ITGBL1: variants seen among roughly 807,000 people sequenced by gnomAD.
ITGBL1 encodes integrin beta-like protein 1.
ITGBL1 carries 51 observed loss-of-function variants against 68.5 expected under a neutral mutation model. The ratio of observed to expected loss-of-function variants is 0.74; its 90% CI spans 0.59 to 0.94. ITGBL1 has a LOEUF of 0.94. Ranked by LOEUF, ITGBL1 falls within the 40% of genes least tolerant of loss-of-function variation. ITGBL1 has a pLI of 0.00. For missense variants in ITGBL1, 649 were observed against 647.4 expected, an observed-to-expected ratio of 1.00 and a Z score of -0.03; for synonymous variants, 209 against 227.3, an observed-to-expected ratio of 0.92 and a Z score of 0.72.
chr13:101,520,568 G>A (rs2049268591), intron 2 of ITGBL1, among the ~76,000 whole-genome samples: 1 of 152,156 alleles, frequency 6.6e-6, no homozygotes. Context: ...ATAGTTCCAT[G>A]GAGGTGATGG....
chr13:101,713,061 A>G (rs998456601), intron 9 of ITGBL1: 6 of 152,246 alleles, frequency 3.9e-5, no homozygotes, highest in Non-Finnish European at 8.8e-5. Flanking sequence ...AAGTTAAAAA[A>G]CACAATTGTC....
At chr13:101,633,279 A>G (rs887019673) in intron 7 of ITGBL1, among the ~76,000 whole-genome samples, 1 of 152,138 alleles carries the variant, frequency 6.6e-6, no homozygotes, top group Admixed American at 6.6e-5. Context: ...TTTCCTTTCT[A>G]CTTGACCTGT....
intron 7 of ITGBL1, among the ~76,000 whole-genome samples, chr13:101,679,717 T>C (rs1395588780): frequency 1.3e-5 from 2 of 152,310 alleles, no homozygotes; most frequent in East Asian, 3.9e-4. Context: ...TTTGGTGTTG[T>C]TGTAGAAGCC....
chr13:101,614,234 C>T (rs2139373176), intron 7 of ITGBL1, among the ~76,000 whole-genome samples: 1 of 152,216 alleles, frequency 6.6e-6, no homozygotes, highest in East Asian at 1.9e-4. Flanking sequence ...GGGGCTTTGT[C>T]AGAAATGCAT....
intron 7 of ITGBL1, among the ~76,000 whole-genome samples, chr13:101,630,912 C>T (rs2031957125): frequency 5.9e-5 from 9 of 152,130 alleles, no homozygotes; most frequent in Admixed American, 5.9e-4. Context: ...ATAAAGACTT[C>T]TTTTAGTGTT....
chr13:101,660,884 G>A (rs2033066899), intron 7 of ITGBL1, among the ~76,000 whole-genome samples: 1 of 152,202 alleles, frequency 6.6e-6, no homozygotes, highest in South Asian at 2.1e-4. Flanking sequence ...GGATGGGTAG[G>A]AGGTTGTCTG....
At chr13:101,490,035 T>G (rs2048753647) in intron 2 of ITGBL1, 2 of 1,223,618 alleles carry the variant, frequency 1.6e-6, no homozygotes, top group Non-Finnish European at 2.3e-6. Flanking sequence ...TTATTAGCAT[T>G]TTGTTATGGA....
At chr13:101,581,900 A>ACCGG (rs1414541834) in intron 5 of ITGBL1, among the ~76,000 whole-genome samples, 1 of 152,182 alleles carries the variant, frequency 6.6e-6, no homozygotes, top group African/African-American at 2.4e-5. Context: ...GCAAGAAAGT[A>ACCGG]CCCATTGTCC....
chr13:101,651,065 G>T lies in ITGBL1; in HGVS notation c.1016-41520G>T, dbSNP rs565212554. Reference sequence around the variant, plus strand: ...TCTATCATTGATGGGCATTTGGGTTGATTGCACGTCTTTGCTATTGTGAAT... The same window carrying T: ...TCTATCATTGATGGGCATTTGGGTTTATTGCACGTCTTTGCTATTGTGAAT... On this transcript the variant is annotated intron_variant, in intron 7 of 10. Coordinates refer to ENST00000376180, the MANE Select transcript of ITGBL1 (RefSeq NM_004791.3). 1.7e-3 allele frequency among the ~76,000 whole-genome samples: 257 copies of T among 152,252 alleles called. 1 individual carries two copies. Among genetic ancestry groups the T allele is most frequent in the African/African-American group, 5.8e-3 (240 of 41,540 alleles).
chr13:101,544,471 G>T (rs1183577916), intron 2 of ITGBL1, among the ~76,000 whole-genome samples: 1 of 152,170 alleles, frequency 6.6e-6, no homozygotes, highest in South Asian at 2.1e-4. Context: ...CTACTAGGGG[G>T]GTGCCTCCCA....
At chr13:101,518,846 A>G (rs1164881388) in intron 2 of ITGBL1, among the ~76,000 whole-genome samples, 2 of 152,164 alleles carry the variant, frequency 1.3e-5, no homozygotes, top group African/African-American at 2.4e-5. Context: ...TCATGGGGAT[A>G]TTTACTATTT....
At chr13:101,709,508 A>G (rs1186504263) in intron 9 of ITGBL1, among the ~76,000 whole-genome samples, 2 of 152,070 alleles carry the variant, frequency 1.3e-5, no homozygotes, top group Admixed American at 6.5e-5. Flanking sequence ...AGATACTGAG[A>G]ATGAATCGTT....
intron 7 of ITGBL1, among the ~76,000 whole-genome samples, chr13:101,646,566 A>G (rs2139442278): frequency 6.6e-6 from 1 of 152,276 alleles, no homozygotes; most frequent in East Asian, 1.9e-4. Context: ...AGTGTGAATA[A>G]AGAGCCTTAA....
intron 2 of ITGBL1, among the ~76,000 whole-genome samples, chr13:101,564,097 C>A (rs1465611429): frequency 6.6e-6 from 1 of 151,694 alleles, no homozygotes; most frequent in South Asian, 2.1e-4. Flanking sequence ...CAATGCAATC[C>A]CTATCAAAAT....
chr13:101,556,960 C>T (rs2050017246), intron 2 of ITGBL1, among the ~76,000 whole-genome samples: 1 of 152,034 alleles, frequency 6.6e-6, no homozygotes, highest in South Asian at 2.1e-4. Flanking sequence ...TAAATAGTTG[C>T]CTAAAGTTAC....
chr13:101,701,692 A>G (rs2034140338), intron 8 of ITGBL1, among the ~76,000 whole-genome samples: 1 of 152,178 alleles, frequency 6.6e-6, no homozygotes, highest in Non-Finnish European at 1.5e-5. Context: ...GTCTCATACT[A>G]CAACATGGAA....
intron 2 of ITGBL1, among the ~76,000 whole-genome samples, chr13:101,484,771 T>C (rs1390643852): frequency 6.6e-6 from 1 of 152,094 alleles, no homozygotes; most frequent in Non-Finnish European, 1.5e-5. Context: ...AATAGAGGTA[T>C]AATTTAATTT....
chr13:101,589,061 T>C (rs2050607679), intron 6 of ITGBL1, among the ~76,000 whole-genome samples: 1 of 152,192 alleles, frequency 6.6e-6, no homozygotes, highest in Admixed American at 6.5e-5. Flanking sequence ...ATCTCTAATA[T>C]TCTAAAATAT....
At chr13:101,624,831 G>A (rs1257077612) in intron 7 of ITGBL1, among the ~76,000 whole-genome samples, 8 of 152,206 alleles carry the variant, frequency 5.3e-5, no homozygotes, top group Admixed American at 2.6e-4. Context: ...CATTCATGAC[G>A]TGGCTAACAT....
Sources: allele counts gnomAD v4.1 joint callset (sites outside exome capture counted in the v4.1 genomes callset), GRCh38; gene constraint gnomAD v4.1.1; transcripts MANE v1.5; gene names NCBI Gene and HGNC (gene_info 2026-07-23, HGNC 2026-07-21).